RGL4: variants seen among roughly 807,000 people sequenced by gnomAD.
RGL4 encodes the protein ral guanine nucleotide dissociation stimulator like 4.
RGL4 carries 41 observed loss-of-function variants against 49.6 expected under a neutral mutation model. The ratio of observed to expected loss-of-function variants is 0.83; its 90% confidence interval spans 0.64 to 1.07. The LOEUF (loss-of-function observed/expected upper bound fraction) is 1.07. Among genes scored for constraint, RGL4 ranks in the 50% least tolerant of loss-of-function variants. The probability of loss-of-function intolerance (pLI) is 0.00; values close to 1 mark genes in which losing one functional copy is unlikely to be tolerated. For missense variants in RGL4, 610 were observed against 591.9 expected (o/e 1.03, Z -0.32); for synonymous variants, 255 against 238.0 (o/e 1.07, Z -0.66).
chr22:23,692,456 G>C lies in RGL4; in HGVS notation c.301G>C (p.Gly101Arg). The C allele has an allele frequency of 2.5e-6, 4 of 1,614,204 alleles. No individual in the cohort carries two copies. The highest frequency in any genetic ancestry group is 3.4e-6 in the Non-Finnish European group (4 of 1,180,038). Reference protein sequence around the residue: ...AFRNLSWPGLGLEDHQEIVLG... With the variant: ...AFRNLSWPGLRLEDHQEIVLG... ...CAGGAACCTCTCCTGGCCTGGACTGGGCTTGGAGGACCATCAGGAAATTGT... is the reference window on the plus strand; with the variant it reads ...CAGGAACCTCTCCTGGCCTGGACTGCGCTTGGAGGACCATCAGGAAATTGT... The change falls in exon 2 of 11, where the codon GGC (glycine) becomes CGC (arginine). Residue 101 changes from glycine to arginine, a missense_variant. Gly to Arg is a moderately radical substitution (Grantham distance 125, BLOSUM62 -2). Coordinates refer to ENST00000290691, the MANE Select transcript of RGL4 (RefSeq NM_153615.2).
At chr22:23,695,863 C>T (rs1487456244) in intron 6 of RGL4, among the ~76,000 whole-genome samples, 3 of 152,234 alleles carry the variant, frequency 2.0e-5, no homozygotes, top group Admixed American at 1.3e-4. Flanking sequence ...CAGGAGGCTA[C>T]TTCCTCAGTG....
At chr22:23,698,007 A>T in intron 9 of RGL4, 146 bp downstream of exon 9, 1 of 1,195,324 alleles carries the variant, frequency 8.4e-7, no homozygotes, top group African/African-American at 1.5e-5. Context: ...GACCTATCCC[A>T]GGAGAAAATG....
intron 7 of RGL4, 59 bp from the exon 8 acceptor site, chr22:23,697,112 C>T: frequency 7.5e-7 from 1 of 1,326,924 alleles, no homozygotes; most frequent in Non-Finnish European, 1.1e-6. Flanking sequence ...GGGCAGGCAC[C>T]TGAGGGCCAA....
chr22:23,693,931 G>T lies in RGL4; in HGVS notation c.869G>T (p.Arg290Leu). ...CTCGGGGACCACAGCATGAGGGCCC[G>T]GGACAGGGCCAGGGTGGTGGAGCAC... ...SCLGDHSMRA[R>L]DRARVVEHWI... The change falls in exon 4 of 11, where the codon CGG (arginine) becomes CTG (leucine). Residue 290 changes from arginine to leucine, a missense_variant. Transcript: ENST00000290691. 1 of 1,613,872 alleles carries T rather than the reference G, an allele frequency of 6.2e-7. No individual in the cohort carries two copies. The highest frequency in any genetic ancestry group is 1.1e-5 in the South Asian group (1 of 91,082).
At position 23,694,953 on chromosome 22, in the gene RGL4, A is replaced by C. The variant is rs774939589; in HGVS notation, c.1020A>C (p.Lys340Asn). Residue 340 changes from lysine to asparagine, a missense_variant, in exon 6 of 11, where the codon AAA becomes AAC. Coordinates refer to ENST00000290691, the MANE Select transcript of RGL4 (RefSeq NM_153615.2). ...TCTTTCTTTCCTCTGCCCATAGCAA[A>C]AGCATGAAAGAGCTAAAAGAACTCT... ...LHKTWAGVSS[K>N]SMKELKELCK... The C allele has an allele frequency of 1.2e-6, 2 of 1,612,882 alleles. No individual in the cohort carries two copies. The highest frequency in any genetic ancestry group is 2.2e-5 in the South Asian group (2 of 90,998).
chr22:23,695,625 G>A, intron 6 of RGL4: 1 of 342,210 alleles, frequency 2.9e-6, no homozygotes, highest in Non-Finnish European at 5.8e-6. Flanking sequence ...GTAGCTGTTT[G>A]CTGGGACTCC....
chr22:23,692,827 C>T lies in RGL4; in HGVS notation c.532C>T (p.Pro178Ser), dbSNP rs756007213. 1.8e-5 allele frequency: 29 copies of T among 1,613,558 alleles called. 1 individual carries two copies. In the Admixed American group the frequency reaches 4.3e-4, roughly 24 times the overall value. ...TTCAGCACCAGGGCCAGCACCAGCA[C>T]CAGGGGAAGGGCCCCCTCCAGGGAC... ...LHSAPGPAPAPGEGPPPGTVL... is the reference protein window; with the variant it reads ...LHSAPGPAPASGEGPPPGTVL... Residue 178 changes from proline to serine, a missense_variant, in exon 3 of 11, where the codon CCA (proline) becomes TCA (serine). Physicochemically the swap from Pro to Ser is moderately conservative, Grantham distance 74. Coordinates refer to ENST00000290691, the MANE Select transcript of RGL4 (RefSeq NM_153615.2).
intron 4 of RGL4, 111 bp downstream of exon 4, chr22:23,694,085 T>A (rs1923328372): frequency 1.1e-6 from 1 of 943,416 alleles, no homozygotes; most frequent in Non-Finnish European, 1.6e-6. Context: ...ACCCTGCACA[T>A]CCCCTAGGCT....
chr22:23,697,995 G>T, intron 9 of RGL4, 134 bp downstream of exon 9: 1 of 1,233,796 alleles, frequency 8.1e-7, no homozygotes. Flanking sequence ...ACAGGAGGAG[G>T]GGACCTATCC....
chr22:23,693,195 G>C, intron 3 of RGL4: 2 of 890,210 alleles, frequency 2.2e-6, no homozygotes, highest in Non-Finnish European at 3.3e-6. Context: ...CAGCTGCACA[G>C]AGTGACTGTG....
At chr22:23,697,707 G>A in intron 8 of RGL4, 131 bp from the exon 9 acceptor site, 1 of 964,492 alleles carries the variant, frequency 1.0e-6, no homozygotes, top group East Asian at 2.6e-5. Context: ...GGAGCCTGAG[G>A]CAGGTCCAAG....
Position 23,692,453 on chromosome 22 carries a change from C to T in RGL4, c.298C>T (p.Leu100=). The T allele has an allele frequency of 6.2e-7, 1 of 1,614,222 alleles. No homozygotes were observed. The highest frequency in any genetic ancestry group is 8.5e-7 in the Non-Finnish European group (1 of 1,180,042). The change falls in exon 2 of 11, where the codon CTG becomes TTG. Residue 100 remains leucine, a synonymous_variant. Transcript: ENST00000290691. ...LAFRNLSWPG[L]GLEDHQEIVL... is the part of the protein sequence containing the mutation. ...CTTCAGGAACCTCTCCTGGCCTGGACTGGGCTTGGAGGACCATCAGGAAAT... is the reference window on the plus strand; with the variant it reads ...CTTCAGGAACCTCTCCTGGCCTGGATTGGGCTTGGAGGACCATCAGGAAAT...
chr22:23,694,667 C>T (rs1601286991), intron 5 of RGL4: 2 of 596,904 alleles, frequency 3.4e-6, no homozygotes, highest in Non-Finnish European at 6.0e-6. Context: ...CAGACTGGAG[C>T]CAACTGGAGG....
intron 10 of RGL4, 60 bp from the exon 11 acceptor site, chr22:23,698,784 C>G: frequency 6.4e-7 from 1 of 1,551,146 alleles, no homozygotes; most frequent in Non-Finnish European, 8.7e-7. Context: ...TGGGCAGGCA[C>G]TGACAGGGGA....
At position 23,693,985 on chromosome 22, in the gene RGL4, G is replaced by A. The variant is rs1923320116; in HGVS notation, c.912+11G>A. The A allele has an allele frequency of 6.2e-7, 1 of 1,611,496 alleles. No homozygotes were observed. Among genetic ancestry groups the A allele is most frequent in the Non-Finnish European group, 8.5e-7 (1 of 1,178,412 alleles). ...ATCAAGGTGGCCAGGGTAAGCTATG[G>A]TTGGGCCTGGGGATTCCCTCTTTAA... On this transcript the variant is annotated intron_variant, in intron 4 of 10. Transcript: ENST00000290691.
intron 6 of RGL4, chr22:23,696,354 C>G (rs1009794556): frequency 7.1e-7 from 1 of 1,401,618 alleles, no homozygotes; most frequent in Non-Finnish European, 9.4e-7. Flanking sequence ...ACAACGGCAA[C>G]AGCTACAGGA....
chr22:23,698,530 T>C, intron 10 of RGL4, 197 bp downstream of exon 10: 1 of 736,106 alleles, frequency 1.4e-6, no homozygotes, highest in South Asian at 1.5e-5. Flanking sequence ...TGTCCGGTTG[T>C]TCTGCTGTTG....
At chr22:23,692,304 C>A (rs776495356) in intron 1 of RGL4, 31 bp from the exon 2 acceptor site, 108 of 1,611,138 alleles carry the variant, frequency 6.7e-5, no homozygotes, top group Non-Finnish European at 8.9e-5. Flanking sequence ...GAAGGCCAGG[C>A]CTCTGACTCA....
rs565858773 is a variant in RGL4 at position 23,698,088 on chromosome 22, G to A, written c.1261-124G>A. ...TTATATCCAACTCTGAGAACAGGCT[G>A]GGGGCGCTGCATGGGACCCCTTCAG... On this transcript the variant is annotated intron_variant, in intron 9 of 10. Coordinates refer to ENST00000290691, the MANE Select transcript of RGL4 (RefSeq NM_153615.2). 202 of 1,329,908 alleles carry A rather than the reference G, an allele frequency of 1.5e-4. 2 individuals carry two copies. In the African/African-American group the frequency reaches 2.7e-3, roughly 18 times the overall value. The allele number at this position is 1,329,908 out of a possible 1,614,324, so 82.4% of individuals were successfully genotyped here.
Sources: gnomAD v4.1 joint callset for allele counts (sites outside exome capture counted in the v4.1 genomes callset) on GRCh38, gnomAD v4.1.1 for gene constraint, MANE v1.5 for transcripts, NCBI Gene and HGNC (gene_info 2026-07-23, HGNC 2026-07-21) for gene names.